Variants in ARHGEF16 observed in about 807,000 individuals in gnomAD.
ARHGEF16 encodes Rho guanine nucleotide exchange factor 16.
A neutral mutation model predicts 74.1 loss-of-function variants in ARHGEF16; 59 were observed. That is an observed-to-expected ratio of 0.80 (90% confidence interval 0.65 to 0.99). The LOEUF (loss-of-function observed/expected upper bound fraction) is 0.99, where lower values mean the gene tolerates loss of function less well. Among genes scored for constraint, ARHGEF16 ranks in the 50% least tolerant of loss-of-function variants. ARHGEF16 has a pLI of 0.00. For synonymous variants in ARHGEF16, 415 were observed against 412.6 expected (o/e 1.01, Z -0.07); for missense variants, 948 against 986.6 (o/e 0.96, Z 0.52).
chr1:3,471,284 G>A (rs1023435411), intron 6 of ARHGEF16, among the ~76,000 whole-genome samples: 3 of 152,156 alleles, frequency 2.0e-5, no homozygotes, highest in South Asian at 4.1e-4. Context: ...CTTGGGTGGC[G>A]CTGGGAGATG....
At chr1:3,469,230 G>A (rs1164528291) in intron 5 of ARHGEF16, among the ~76,000 whole-genome samples, 1 of 152,152 alleles carries the variant, frequency 6.6e-6, no homozygotes, top group African/African-American at 2.4e-5. Context: ...GGCTCATAAG[G>A]CACCCAGCCA....
intron 4 of ARHGEF16, among the ~76,000 whole-genome samples, chr1:3,468,143 C>T (rs1639600516): frequency 6.6e-6 from 1 of 152,210 alleles, no homozygotes; most frequent in Admixed American, 6.5e-5. Flanking sequence ...TGTGGTCTCC[C>T]TCTGTCGGGG....
At chr1:3,455,673 G>C (rs1201999735) in intron 1 of ARHGEF16, among the ~76,000 whole-genome samples, 1 of 152,144 alleles carries the variant, frequency 6.6e-6, no homozygotes, top group Admixed American at 6.5e-5. Flanking sequence ...GGGGGCCTAG[G>C]GGGTGCGTGT....
rs928481310 is a variant in ARHGEF16 at position 3,454,819 on chromosome 1, T to TGGGGGACAGGTGAGCC, written c.-20+23_-20+38dup. ...CTCCGCCCCGCGGCGCAGGTGAGCC[T>TGGGGGACAGGTGAGCC]GGGGGACAGGTGAGCCGGGGGACAG... is the stretch of plus-strand genomic sequence containing the variant. On this transcript the variant is annotated intron_variant, in intron 1 of 14. Coordinates refer to ENST00000378378, the MANE Select transcript of ARHGEF16 (RefSeq NM_014448.4). 1.7e-4 allele frequency: 25 copies of TGGGGGACAGGTGAGCC among 150,854 alleles called. No homozygotes were observed. The highest frequency in any genetic ancestry group is 1.3e-3 in the Admixed American group (20 of 15,216). The allele number at this position is 150,854 out of a possible 1,614,324, so 9.3% of individuals were successfully genotyped here.
In ARHGEF16 at chr1:3,467,176, C is replaced by A; in HGVS notation, c.643C>A (p.Leu215Ile). 1 of 1,550,490 alleles carries A rather than the reference C, an allele frequency of 6.4e-7. No individual in the cohort carries two copies. Among genetic ancestry groups the A allele is most frequent in the Non-Finnish European group, 8.7e-7 (1 of 1,146,742 alleles). ...HKGSFKDDPQLYQEIQERGLN... is the reference protein window; with the variant it reads ...HKGSFKDDPQIYQEIQERGLN... Reference sequence around the variant, plus strand: ...CCTCCTTCTCTCTCTAGACCCCCAGCTCTACCAGGAGATCCAGGAGCGGGG... The same window carrying A: ...CCTCCTTCTCTCTCTAGACCCCCAGATCTACCAGGAGATCCAGGAGCGGGG... Residue 215 changes from leucine (L) to isoleucine (I), a missense_variant, in exon 4 of 15, where the codon CTC (leucine) becomes ATC (isoleucine). Coordinates refer to ENST00000378378, the MANE Select transcript of ARHGEF16 (RefSeq NM_014448.4).
At chr1:3,476,218 C>G (rs372181466) in intron 10 of ARHGEF16, among the ~76,000 whole-genome samples, 156 bp downstream of exon 10, 65 of 152,278 alleles carry the variant, frequency 4.3e-4, no homozygotes, top group African/African-American at 1.6e-3. Flanking sequence ...GCTGGTGGCT[C>G]TGGTCTCTCC....
chr1:3,466,622 C>T (rs1168981831), intron 3 of ARHGEF16, among the ~76,000 whole-genome samples: 1 of 152,182 alleles, frequency 6.6e-6, no homozygotes. Flanking sequence ...GGTGCACACT[C>T]AGCCTGCTCG....
chr1:3,467,573 G>A lies in ARHGEF16; in HGVS notation c.804+236G>A, dbSNP rs954886558. Among the ~76,000 whole-genome samples the A allele has an allele frequency of 4.6e-5, 7 of 152,322 alleles. No homozygotes were observed. The East Asian group carries it at 1.4e-3, about 29-fold the overall frequency. ...GGGCCCTGCCGTCGTGCGTGCGAGGGCCAGCCCTGCTCAGACTACCCTTCA... is the reference window on the plus strand; with the variant it reads ...GGGCCCTGCCGTCGTGCGTGCGAGGACCAGCCCTGCTCAGACTACCCTTCA... On this transcript the variant is annotated intron_variant, in intron 4 of 14. Coordinates refer to ENST00000378378, the MANE Select transcript of ARHGEF16 (RefSeq NM_014448.4).
chr1:3,479,563 C>G lies in ARHGEF16; in HGVS notation c.1861C>G (p.Gln621Glu). The G allele has an allele frequency of 6.2e-7, 1 of 1,612,538 alleles. No homozygotes were observed. Among genetic ancestry groups the G allele is most frequent in the Non-Finnish European group, 8.5e-7 (1 of 1,179,858 alleles). Residue 621 changes from glutamine to glutamate, a missense_variant, in exon 13 of 15, where the codon CAG (glutamine) becomes GAG (glutamate). Transcript: ENST00000378378. Reference protein sequence around the residue: ...WIVALTHSERQWQGLSSKGDL... With the variant: ...WIVALTHSEREWQGLSSKGDL... Reference sequence around the variant, plus strand: ...CGTGGCGCTCACACACAGTGAGAGACAGTGGCAGGGCCTCTCCAGCAAAGG... The same window carrying G: ...CGTGGCGCTCACACACAGTGAGAGAGAGTGGCAGGGCCTCTCCAGCAAAGG...
At chr1:3,469,860 C>T (rs1194730232) in intron 6 of ARHGEF16, among the ~76,000 whole-genome samples, 1 of 152,152 alleles carries the variant, frequency 6.6e-6, no homozygotes, top group Non-Finnish European at 1.5e-5. Flanking sequence ...AGGGGTACAA[C>T]CCTGCCCCAC....
intron 1 of ARHGEF16, among the ~76,000 whole-genome samples, chr1:3,457,855 G>A (rs1445427369): frequency 4.6e-5 from 7 of 152,216 alleles, no homozygotes; most frequent in Admixed American, 1.3e-4. Flanking sequence ...ATACCAGGTG[G>A]GGTATTTAGT....
chr1:3,467,325 C>T lies in ARHGEF16; in HGVS notation c.792C>T (p.Ser264=), dbSNP rs1217321642. ...ACCGGCCCGCCCAGGTCACCTGGAG[C>T]CAGCTCCCAGAGGTAGCGCCGGAGG... is the stretch of plus-strand genomic sequence containing the variant. ...KSYRPAQVTW[S]QLPEVVELGI... is the part of the protein sequence containing the mutation. The change falls in exon 4 of 15, where the codon AGC becomes AGT. Residue 264 remains serine (S), a synonymous_variant. Transcript: ENST00000378378. 6.5e-7 allele frequency: 1 copy of T among 1,549,374 alleles called. No individual in the cohort carries two copies. The highest frequency in any genetic ancestry group is 2.0e-5 in the Admixed American group (1 of 50,962).
rs968830370 is a variant in ARHGEF16 at position 3,468,507 on chromosome 1, T to G, written c.805-373T>G. 1.9e-5 allele frequency: 5 copies of G among 260,970 alleles called. No individual in the cohort carries two copies. The South Asian group carries it at 2.5e-4, about 13-fold the overall frequency. The allele number at this position is 260,970 out of a possible 1,614,324, so 16.2% of individuals were successfully genotyped here. On this transcript the variant is annotated intron_variant, in intron 4 of 14. Coordinates refer to ENST00000378378, the MANE Select transcript of ARHGEF16 (RefSeq NM_014448.4). ...TCGCCTCGCCCAGGTGGGGTCTGAG[T>G]CACAGTCCTGCCCTCCACACTCCCT...
chr1:3,455,439 G>A (rs1480528737), intron 1 of ARHGEF16, among the ~76,000 whole-genome samples: 1 of 152,138 alleles, frequency 6.6e-6, no homozygotes, highest in East Asian at 1.9e-4. Flanking sequence ...GGAGGGGGAG[G>A]GGTGCGTCCC....
intron 6 of ARHGEF16, 22 bp from the exon 7 acceptor site, chr1:3,473,056 C>T: frequency 1.2e-6 from 2 of 1,608,454 alleles, no homozygotes; most frequent in Non-Finnish European, 1.7e-6. Context: ...GTGGCACCCT[C>T]CTCACCCCTC....
At chr1:3,479,428 G>C in intron 12 of ARHGEF16, 89 bp from the exon 13 acceptor site, 17 of 1,359,690 alleles carry the variant, frequency 1.3e-5, no homozygotes, top group East Asian at 2.5e-5. Flanking sequence ...TCCTTGCCAC[G>C]GCCCCCATGG....
At chr1:3,464,117 G>C (rs1164358914) in intron 2 of ARHGEF16, among the ~76,000 whole-genome samples, 1 of 150,528 alleles carries the variant, frequency 6.6e-6, no homozygotes, top group African/African-American at 2.4e-5. Flanking sequence ...GCTGTGCGGT[G>C]GCCTGGGGCT....
At chr1:3,468,435 C>G (rs1639608478) in intron 4 of ARHGEF16, 1 of 191,518 alleles carries the variant, frequency 5.2e-6, no homozygotes, top group Non-Finnish European at 1.1e-5. Flanking sequence ...GAGGAGGGAG[C>G]CCGGGCGGAA....
chr1:3,476,391 C>T (rs1370077380), intron 10 of ARHGEF16, among the ~76,000 whole-genome samples: 2 of 152,194 alleles, frequency 1.3e-5, no homozygotes, highest in Non-Finnish European at 2.9e-5. Context: ...GTGGCCCTGT[C>T]AGTGCACTTG....
Sources: gnomAD v4.1 joint callset for allele counts (sites outside exome capture counted in the v4.1 genomes callset) on GRCh38, gnomAD v4.1.1 for gene constraint, MANE v1.5 for transcripts, NCBI Gene and HGNC (gene_info 2026-07-23, HGNC 2026-07-21) for gene names.